Variants in FOXP2 observed in about 807,000 individuals in gnomAD.
FOXP2 encodes forkhead box protein P2.
FOXP2 carries 12 observed loss-of-function variants against 115.8 expected under a neutral mutation model. The ratio of observed to expected loss-of-function variants is 0.10; its 90% CI spans 0.07 to 0.17. The LOEUF (loss-of-function observed/expected upper bound fraction) is 0.17, where lower values mean the gene tolerates loss of function less well. FOXP2 is among the 10% of genes least tolerant of loss of function. The probability of loss-of-function intolerance (pLI) is 1.00; values close to 1 mark genes in which losing one functional copy is unlikely to be tolerated. For missense variants in FOXP2, 629 were observed against 843.5 expected (o/e 0.75, Z 3.15); for synonymous variants, 328 against 297.7 (o/e 1.10, Z -1.05).
chr7:114,558,106 C>T (rs1800558632), intron 3 of FOXP2, among the ~76,000 whole-genome samples: 1 of 152,002 alleles, frequency 6.6e-6, no homozygotes, highest in South Asian at 2.1e-4. Flanking sequence ...TGCACCCAGC[C>T]CTGACTTTTA....
chr7:114,445,702 G>C (rs983091443), intron 2 of FOXP2, among the ~76,000 whole-genome samples: 5 of 151,942 alleles, frequency 3.3e-5, no homozygotes, highest in Non-Finnish European at 7.4e-5. Context: ...AATATACACA[G>C]TTTCTAATTT....
intron 1 of FOXP2, among the ~76,000 whole-genome samples, chr7:114,420,823 A>T (rs1006194061): frequency 1.3e-5 from 2 of 151,832 alleles, no homozygotes; most frequent in African/African-American, 4.8e-5. Context: ...AATTAAACTA[A>T]CATTAAAATT....
At chr7:114,107,929 A>G (rs1791163824) in intron 1 of FOXP2, among the ~76,000 whole-genome samples, 1 of 151,924 alleles carries the variant, frequency 6.6e-6, no homozygotes, top group Admixed American at 6.6e-5. Flanking sequence ...GTAAAATTTT[A>G]AAGTCAATAT....
chr7:114,414,096 C>T (rs1351292491), upstream of FOXP2: 1 of 152,106 alleles, frequency 6.6e-6, no homozygotes, highest in African/African-American at 2.4e-5. Context: ...GATTTACCAG[C>T]TTCAGTAAGT....
intron 3 of FOXP2, among the ~76,000 whole-genome samples, chr7:114,588,508 CT>C (rs1158328985): frequency 1.2e-4 from 19 of 152,140 alleles, no homozygotes; most frequent in East Asian, 1.2e-3. Flanking sequence ...GAAATACTCT[CT>C]GCCCACAAGA....
At chr7:114,133,007 AAC>A in intron 1 of FOXP2, among the ~76,000 whole-genome samples, 1 of 152,326 alleles carries the variant, frequency 6.6e-6, no homozygotes, top group Non-Finnish European at 1.5e-5. Context: ...CAGGGAAGGA[AAC>A]AGGGACGAAA....
chr7:114,376,489 C>G (rs1404980307), intron 2 of FOXP2, among the ~76,000 whole-genome samples: 1 of 152,174 alleles, frequency 6.6e-6, no homozygotes, highest in Non-Finnish European at 1.5e-5. Flanking sequence ...ACCATTCTTT[C>G]CGTAAAAAGT....
At chr7:114,333,597 A>G (rs1484069842) in intron 2 of FOXP2, among the ~76,000 whole-genome samples, 1 of 152,246 alleles carries the variant, frequency 6.6e-6, no homozygotes, top group African/African-American at 2.4e-5. Flanking sequence ...TACTAAAAAT[A>G]CAAAAATTAG....
intron 1 of FOXP2, among the ~76,000 whole-genome samples, chr7:114,240,676 TA>T (rs1180001056): frequency 6.6e-6 from 1 of 151,988 alleles, no homozygotes. Context: ...AGTTTTGCTA[TA>T]CAGATTCTTG....
At chr7:114,128,111 G>A (rs1451312450) in intron 1 of FOXP2, among the ~76,000 whole-genome samples, 1 of 152,154 alleles carries the variant, frequency 6.6e-6, no homozygotes, top group Non-Finnish European at 1.5e-5. Flanking sequence ...TCAGAGATCT[G>A]CATGTGGTAA....
intron 3 of FOXP2, among the ~76,000 whole-genome samples, chr7:114,627,680 T>C (rs1804670114): frequency 6.6e-6 from 1 of 152,128 alleles, no homozygotes; most frequent in South Asian, 2.1e-4. Flanking sequence ...CCTATCTTCT[T>C]TTTGCCTCTC....
chr7:114,257,120 G>A (rs919513459), intron 1 of FOXP2, among the ~76,000 whole-genome samples: 1 of 152,156 alleles, frequency 6.6e-6, no homozygotes, highest in Non-Finnish European at 1.5e-5. Context: ...GAAGAGAATA[G>A]AGAACTCAGA....
intron 1 of FOXP2, among the ~76,000 whole-genome samples, chr7:114,200,784 T>A (rs948696435): frequency 3.3e-5 from 5 of 152,220 alleles, no homozygotes; most frequent in Non-Finnish European, 5.9e-5. Context: ...TTTTCCCCTA[T>A]GCTACTATTA....
intron 2 of FOXP2, among the ~76,000 whole-genome samples, chr7:114,369,748 T>A (rs1791960274): frequency 1.3e-5 from 2 of 152,196 alleles, no homozygotes; most frequent in African/African-American, 2.4e-5. Flanking sequence ...AACAGATTTT[T>A]AAGGCATTGT....
At chr7:114,317,619 C>A (rs1210012423) in intron 2 of FOXP2, among the ~76,000 whole-genome samples, 2 of 152,180 alleles carry the variant, frequency 1.3e-5, no homozygotes, top group Admixed American at 6.5e-5. Context: ...TGATCCCCTG[C>A]AGTCTGTTTT....
intron 2 of FOXP2, among the ~76,000 whole-genome samples, chr7:114,485,476 C>T (rs891738822): frequency 6.6e-6 from 1 of 151,660 alleles, no homozygotes; most frequent in Non-Finnish European, 1.5e-5. Context: ...ATACTTATTT[C>T]TGAACTTTTA....
At chr7:114,682,354 A>G (rs1808128978) in intron 16 of FOXP2, among the ~76,000 whole-genome samples, 1 of 152,164 alleles carries the variant, frequency 6.6e-6, no homozygotes, top group Admixed American at 6.5e-5. Flanking sequence ...AAATACATAA[A>G]ATGCATCACG....
intron 2 of FOXP2, among the ~76,000 whole-genome samples, chr7:114,428,407 T>C (rs537723563): frequency 1.3e-5 from 2 of 151,642 alleles, no homozygotes; most frequent in African/African-American, 2.4e-5. Flanking sequence ...TTTACTTTGT[T>C]CTATGCAGTT....
rs190557542 is a variant in FOXP2, at chr7:114,116,065, A to G, written c.-247+28227A>G. ...GTTTTACCCAAAGACTACTGGTTAT[A>G]TATTTTGAAGTTACAAATTTTAAAA... On this transcript the variant is annotated intron_variant, in intron 1 of 19. Coordinates refer to the FOXP2 transcript ENST00000635638. Among the ~76,000 whole-genome samples, 363 of 152,250 alleles carry G rather than the reference A, an allele frequency of 2.4e-3. 2 individuals are homozygous for G. Among genetic ancestry groups the G allele is most frequent in the African/African-American group, 8.4e-3 (347 of 41,550 alleles).
Sources: gnomAD v4.1 joint callset for allele counts (sites outside exome capture counted in the v4.1 genomes callset) on GRCh38, gnomAD v4.1.1 for gene constraint, MANE v1.5 for transcripts, NCBI Gene and HGNC (gene_info 2026-07-23, HGNC 2026-07-21) for gene names.